ITPRID2: variants seen among roughly 807,000 people sequenced by gnomAD.
ITPRID2 encodes ITPR interacting domain containing 2.
A neutral mutation model predicts 124.3 loss-of-function variants in ITPRID2; 60 were observed. That is an observed-to-expected ratio of 0.48 (90% CI 0.39 to 0.60). The LOEUF is 0.60. ITPRID2 is among the 20% of genes least tolerant of loss of function. ITPRID2 has a pLI of 0.00. For synonymous variants in ITPRID2, 521 were observed against 542.9 expected, an observed-to-expected ratio of 0.96 and a Z score of 0.56; for missense variants, 1,553 against 1,512.2, an observed-to-expected ratio of 1.03 and a Z score of -0.45.
chr2:181,910,052 T>C lies in ITPRID2; in HGVS notation c.1486+81T>C. 1.9e-6 allele frequency: 2 copies of C among 1,067,850 alleles called. No individual in the cohort carries two copies. The highest frequency in any genetic ancestry group is 2.1e-4 in the Middle Eastern group (1 of 4,740). The allele number at this position is 1,067,850 out of a possible 1,614,324, so 66.1% of individuals were successfully genotyped here. A position where few individuals can be genotyped will look rare whatever the true frequency, so the allele number is the denominator to read the frequency against. On this transcript the variant is annotated intron_variant, in intron 9 of 17. Coordinates refer to ENST00000431877, the MANE Select transcript of ITPRID2 (RefSeq NM_001130445.3). This position sits in a 1 kb window ranked among gnomAD's most constrained non-coding sequence, Gnocchi z 4.1. ...GGAAAAGGGGTTTTATGTATCAGTA[T>C]TTGTAGTATTTATGAGTGTGAAAAG...
Position 181,892,266 on chromosome 2 carries a change from C to A in ITPRID2, c.200C>A (p.Ala67Glu). The A allele has an allele frequency of 6.5e-7, 1 of 1,547,426 alleles. No homozygotes were observed. Among genetic ancestry groups the A allele is most frequent in the Non-Finnish European group, 8.7e-7 (1 of 1,145,698 alleles). The change falls in exon 1 of 18, where the codon GCG (alanine) becomes GAG (glutamate). Residue 67 changes from alanine to glutamate, a missense_variant. Transcript: ENST00000431877. This position sits in a 1 kb window ranked among gnomAD's most constrained non-coding sequence, Gnocchi z 5.2. ...EDLPGAQLPA[A>E]GGRGNVPNEK... ...CTCCCCGGCGCGCAGCTGCCGGCAGCGGGGGGAAGAGGTCGGTGCTCCCGG... is the reference window on the plus strand; with the variant it reads ...CTCCCCGGCGCGCAGCTGCCGGCAGAGGGGGGAAGAGGTCGGTGCTCCCGG...
rs756688528 is a variant in ITPRID2, at chr2:181,909,957, C to T, written c.1472C>T (p.Thr491Met). The T allele has an allele frequency of 1.4e-5, 23 of 1,612,698 alleles. No individual in the cohort carries two copies. The highest frequency in any genetic ancestry group is 3.3e-5 in the South Asian group (3 of 91,024). Residue 491 changes from threonine (T) to methionine (M), a missense_variant, in exon 9 of 18, where the codon ACG (threonine) becomes ATG (methionine). Thr to Met is a moderately conservative substitution (Grantham distance 81). Transcript: ENST00000431877. ...CCAGCCACTTACCAGCTAGGTCTTA[C>T]GAAGTCGAAAAGAGGTAAGTGGACC... is the stretch of plus-strand genomic sequence containing the variant. ...HVPATYQLGL[T>M]KSKRDHLLRT...
At chr2:181,897,529 T>G (rs1692301112) in intron 4 of ITPRID2, among the ~76,000 whole-genome samples, 1 of 151,862 alleles carries the variant, frequency 6.6e-6, no homozygotes, top group Non-Finnish European at 1.5e-5. Flanking sequence ...TATTTAAAAG[T>G]TTTTACAAGT....
At position 181,907,340 on chromosome 2, in the gene ITPRID2, C is replaced by G. The variant is rs1693216222; in HGVS notation, c.1414-2559C>G. 6.6e-6 allele frequency among the ~76,000 whole-genome samples: 1 copy of G among 151,964 alleles called. No individual in the cohort carries two copies. Among genetic ancestry groups the G allele is most frequent in the Non-Finnish European group, 1.5e-5 (1 of 67,990 alleles). ...AGATACAGTCATTGTTTCATGAAAA[C>G]TTTTTTAAATGAAGTAACCCAAATG... On this transcript the variant is annotated intron_variant, in intron 8 of 17. Transcript: ENST00000431877. The surrounding 1 kb of genome is among the most constrained non-coding windows in gnomAD (Gnocchi z 5.1).
In ITPRID2 at chr2:181,916,081, A is replaced by G. The variant is rs1388974304; in HGVS notation, c.2441A>G (p.Gln814Arg). The G allele has an allele frequency of 6.2e-7, 1 of 1,614,244 alleles. No individual in the cohort carries two copies. Among genetic ancestry groups the G allele is most frequent in the East Asian group, 2.2e-5 (1 of 44,888 alleles). ...TCTGTGAAGAAAGAAGAAGCCCCCC[A>G]GAGTGAGGCGCCGCGGGTGGAGGAA... ...PSSVKKEEAP[Q>R]SEAPRVEECH... The change falls in exon 11 of 18, where the codon CAG becomes CGG. Residue 814 changes from glutamine to arginine, a missense_variant. Transcript: ENST00000431877.
rs1225069629 is a variant in ITPRID2, at chr2:181,902,440, CAGA to C, written c.1390_1392del (p.Lys464del). 9.5e-6 allele frequency: 15 copies of C among 1,575,680 alleles called. No homozygotes were observed. Among genetic ancestry groups the C allele is most frequent in the African/African-American group, 2.7e-5 (2 of 73,332 alleles). On this transcript the variant is annotated inframe_deletion, in exon 8 of 18. Coordinates refer to ENST00000431877, the MANE Select transcript of ITPRID2 (RefSeq NM_001130445.3). The surrounding 1 kb of genome is among the most constrained non-coding windows in gnomAD (Gnocchi z 4.4). The stretch of plus-strand genomic sequence containing the variant: ...ATCCATAAGAAATATAATGACACAG[CAGA>C]AGGACTCCTTCGAAATGGAAGAGGT...
rs1451094938 is a variant in ITPRID2 at position 181,896,125 on chromosome 2, A to T, written c.307+46A>T. On this transcript the variant is annotated intron_variant, in intron 3 of 17. Transcript: ENST00000431877. The surrounding 1 kb of genome is among the most constrained non-coding windows in gnomAD (Gnocchi z 4.3). ...TAAATCTGTTCTTTATGACAGTTCTACTTCTTTGTCCTCTGGGTAAAAGTG... is the reference window on the plus strand; with the variant it reads ...TAAATCTGTTCTTTATGACAGTTCTTCTTCTTTGTCCTCTGGGTAAAAGTG... The T allele has an allele frequency of 5.3e-6, 8 of 1,512,164 alleles. No homozygotes were observed. Among genetic ancestry groups the T allele is most frequent in the Non-Finnish European group, 7.4e-6 (8 of 1,087,934 alleles). 93.7% of individuals were successfully genotyped at this position (1,512,164 alleles called of 1,614,324 possible).
chr2:181,927,206 G>A (rs1694927790), intron 16 of ITPRID2, among the ~76,000 whole-genome samples: 1 of 152,132 alleles, frequency 6.6e-6, no homozygotes, highest in Non-Finnish European at 1.5e-5. Context: ...GATGTACTTA[G>A]GAACATTGTA....
intron 16 of ITPRID2, among the ~76,000 whole-genome samples, chr2:181,926,524 T>C (rs939303046): frequency 4.0e-5 from 6 of 151,870 alleles, no homozygotes; most frequent in East Asian, 1.9e-4. Context: ...CCATCTTGGC[T>C]AACATGGTGA....
chr2:181,901,304 A>T (rs1692645330), intron 7 of ITPRID2, among the ~76,000 whole-genome samples: 1 of 152,216 alleles, frequency 6.6e-6, no homozygotes. Flanking sequence ...TCTGTTAGCC[A>T]AAGATTCCAA....
At position 181,919,731 on chromosome 2, in the gene ITPRID2, G is replaced by A. The variant is rs1369776282; in HGVS notation, c.3144+285G>A. Among the ~76,000 whole-genome samples the A allele has an allele frequency of 6.6e-6, 1 of 152,012 alleles. No individual in the cohort carries two copies. Among genetic ancestry groups the A allele is most frequent in the Non-Finnish European group, 1.5e-5 (1 of 68,000 alleles). ...GAGGGTTTTTAAAGGAAAAATGCTA[G>A]TGAATTAACATATGACTAATGTAAA... On this transcript the variant is annotated intron_variant, in intron 14 of 17. Transcript: ENST00000431877. The surrounding 1 kb of genome is among the most constrained non-coding windows in gnomAD (Gnocchi z 4.2).
chr2:181,915,107 A>G (rs1055182643), intron 10 of ITPRID2, 109 bp from the exon 11 acceptor site: 11 of 1,300,934 alleles, frequency 8.5e-6, no homozygotes, highest in Non-Finnish European at 1.2e-5. Context: ...GCAGGGCCAC[A>G]ACTGCAGTGG....
rs1691879470 is a variant in ITPRID2, at chr2:181,892,889, A to C, written c.257+229A>C. ...TTTACAGTTAGGACTTGAGCTACTCACGCATCGTGTTAGCATCAGAGATCA... is the reference window on the plus strand; with the variant it reads ...TTTACAGTTAGGACTTGAGCTACTCCCGCATCGTGTTAGCATCAGAGATCA... On this transcript the variant is annotated intron_variant, in intron 2 of 17. Coordinates refer to ENST00000431877, the MANE Select transcript of ITPRID2 (RefSeq NM_001130445.3). This position sits in a 1 kb window ranked among gnomAD's most constrained non-coding sequence, Gnocchi z 5.2. 3.4e-6 allele frequency: 2 copies of C among 592,012 alleles called. No homozygotes were observed. Among genetic ancestry groups the C allele is most frequent in the South Asian group, 4.0e-5 (2 of 49,490 alleles). 36.7% of individuals were successfully genotyped at this position (592,012 alleles called of 1,614,324 possible). A position where few individuals can be genotyped will look rare whatever the true frequency, so the allele number is the denominator to read the frequency against.
intron 11 of ITPRID2, chr2:181,916,779 G>A (rs980773053): frequency 6.2e-6 from 6 of 968,924 alleles, no homozygotes; most frequent in Non-Finnish European, 7.5e-6. Flanking sequence ...CCCTCTTAAA[G>A]TTCTTTCTCT....
Position 181,915,782 on chromosome 2 carries a change from G to T in ITPRID2, c.2142G>T (p.Leu714=), listed in dbSNP as rs13384479. The stretch of plus-strand genomic sequence containing the variant: ...CTAATCAAAGGATGGGGCGTAGCCT[G>T]CTAAAATCAAAAGATTTGTTAAAAC... ...SLSNQRMGRS[L]LKSKDLLKQR... is the part of the protein sequence containing the mutation. Residue 714 remains leucine (L), a synonymous_variant, in exon 11 of 18, where the codon CTG becomes CTT. Transcript: ENST00000431877. 3.9e-3 allele frequency: 6,281 copies of T among 1,614,094 alleles called. 227 individuals carry two copies. In the African/African-American group the frequency reaches 0.075, roughly 19 times the overall value.
chr2:181,904,329 AT>A (rs201437242), intron 8 of ITPRID2, among the ~76,000 whole-genome samples: 4 of 150,196 alleles, frequency 2.7e-5, no homozygotes, highest in Non-Finnish European at 3.0e-5. Context: ...ATAATGGGAG[AT>A]TTTTTTTTTA....
chr2:181,921,198 C>A (rs1694454526), intron 15 of ITPRID2, among the ~76,000 whole-genome samples: 2 of 146,586 alleles, frequency 1.4e-5, no homozygotes, highest in Admixed American at 1.4e-4. Flanking sequence ...AAATAATAAG[C>A]CAGGTGTGGT....
intron 2 of ITPRID2, among the ~76,000 whole-genome samples, chr2:181,895,599 T>C (rs1354339987): frequency 2.0e-5 from 3 of 152,044 alleles, no homozygotes; most frequent in African/African-American, 7.2e-5. Context: ...CCAACTACTC[T>C]TCACTTTTTA....
chr2:181,903,624 G>A (rs1692857136), intron 8 of ITPRID2, among the ~76,000 whole-genome samples: 2 of 151,772 alleles, frequency 1.3e-5, no homozygotes, highest in South Asian at 4.2e-4. Flanking sequence ...AATTACAACT[G>A]AATAGTGAAA....
Sources: gnomAD v4.1 joint callset for allele counts (sites outside exome capture counted in the v4.1 genomes callset) on GRCh38, gnomAD v4.1.1 for gene constraint, Gnocchi (gnomAD v3.1) non-coding constraint, MANE v1.5 for transcripts, NCBI Gene and HGNC (gene_info 2026-07-23, HGNC 2026-07-21) for gene names.